KAZN: variants seen among roughly 807,000 people sequenced by gnomAD.
The protein encoded by KAZN is kazrin, periplakin interacting protein, also known as kazrin.
Under a neutral mutation model 87.4 loss-of-function variants are expected in KAZN, and 40 were observed. The ratio of observed to expected loss-of-function variants is 0.46; its 90% confidence interval spans 0.36 to 0.60. KAZN has a LOEUF of 0.60. Among genes scored for constraint, KAZN ranks in the 20% least tolerant of loss-of-function variants. The pLI is 0.00. For synonymous variants in KAZN, 466 were observed against 458.3 expected (o/e 1.02, Z -0.22); for missense variants, 898 against 1,073.9 (o/e 0.84, Z 2.29).
intron 1 of KAZN, among the ~76,000 whole-genome samples, chr1:14,797,460 A>G (rs1161553564): frequency 6.6e-6 from 1 of 152,212 alleles, no homozygotes; most frequent in East Asian, 1.9e-4. Flanking sequence ...ATGAGAGTCT[A>G]TGAAGAGGGA....
At chr1:14,076,392 C>G (rs561438429) in intron 1 of KAZN, among the ~76,000 whole-genome samples, 61 of 152,218 alleles carry the variant, frequency 4.0e-4, no homozygotes, top group African/African-American at 1.4e-3. Context: ...AGATTGCCAG[C>G]AAATGCCAGA....
At chr1:14,489,343 A>G (rs1557754419) in intron 2 of KAZN, among the ~76,000 whole-genome samples, 1 of 152,196 alleles carries the variant, frequency 6.6e-6, no homozygotes, top group Non-Finnish European at 1.5e-5. Flanking sequence ...ATCTATATAA[A>G]TCGGGATAAA....
intron 2 of KAZN, among the ~76,000 whole-genome samples, chr1:14,254,206 T>C (rs564714272): frequency 6.6e-6 from 1 of 152,332 alleles, no homozygotes; most frequent in South Asian, 2.1e-4. Flanking sequence ...TTCTTTTGGC[T>C]GGATAAGGGT....
At chr1:14,407,156 G>A (rs954623514) in intron 2 of KAZN, among the ~76,000 whole-genome samples, 10 of 152,130 alleles carry the variant, frequency 6.6e-5, no homozygotes, top group Admixed American at 3.3e-4. Context: ...TCATTCCGTC[G>A]ATGGACATGT....
intron 2 of KAZN, among the ~76,000 whole-genome samples, chr1:14,500,994 C>G (rs923699074): frequency 6.6e-6 from 1 of 151,814 alleles, no homozygotes; most frequent in Non-Finnish European, 1.5e-5. Context: ...CAAATGGATT[C>G]ACTGGTGAAT....
At chr1:14,484,862 A>C (rs1168358784) in intron 2 of KAZN, among the ~76,000 whole-genome samples, 4 of 152,230 alleles carry the variant, frequency 2.6e-5, no homozygotes, top group African/African-American at 4.8e-5. Context: ...AAGCCAAAAA[A>C]GTGAGTGGAA....
intron 1 of KAZN, among the ~76,000 whole-genome samples, chr1:14,917,605 A>G (rs1657948424): frequency 6.6e-6 from 1 of 152,174 alleles, no homozygotes; most frequent in South Asian, 2.1e-4. Flanking sequence ...ACAGCCCGAC[A>G]AGTAGTGACC....
At chr1:14,402,242 A>C (rs991761498) in intron 2 of KAZN, among the ~76,000 whole-genome samples, 4 of 151,796 alleles carry the variant, frequency 2.6e-5, no homozygotes, top group African/African-American at 9.7e-5. Flanking sequence ...ATAGGCCAAA[A>C]AAAAAAAAAT....
chr1:14,447,208 C>CATCATTATTATT (rs1438327123), intron 2 of KAZN, among the ~76,000 whole-genome samples: 190 of 131,178 alleles, frequency 1.4e-3, no homozygotes, highest in Non-Finnish European at 2.2e-3. Context: ...GTTTCCACCA[C>CATCATTATTATT]ATTATTATTA....
chr1:14,297,137 T>C (rs1263061033), intron 2 of KAZN, among the ~76,000 whole-genome samples: 1 of 151,996 alleles, frequency 6.6e-6, no homozygotes, highest in Non-Finnish European at 1.5e-5. Flanking sequence ...GCTTATTTTC[T>C]CCCCCACAAG....
intron 2 of KAZN, among the ~76,000 whole-genome samples, chr1:14,278,318 T>A (rs946848360): frequency 1.4e-5 from 2 of 141,402 alleles, no homozygotes; most frequent in Non-Finnish European, 3.0e-5. Context: ...TGAGATGGAG[T>A]CTTGCTCTGT....
intron 2 of KAZN, among the ~76,000 whole-genome samples, chr1:14,335,758 C>CAGAGAGAG (rs558013162): frequency 1.3e-5 from 2 of 151,432 alleles, no homozygotes; most frequent in African/African-American, 4.9e-5. Flanking sequence ...CACACACACA[C>CAGAGAGAG]ACAGAGAGAG....
At chr1:14,854,737 C>G (rs192550375) in intron 1 of KAZN, among the ~76,000 whole-genome samples, 1 of 152,094 alleles carries the variant, frequency 6.6e-6, no homozygotes, top group Non-Finnish European at 1.5e-5. Flanking sequence ...TGTCTGCCAC[C>G]GCACTGGGGA....
intron 1 of KAZN, among the ~76,000 whole-genome samples, chr1:14,849,254 G>A (rs183713065): frequency 6.6e-5 from 10 of 152,268 alleles, no homozygotes; most frequent in East Asian, 5.8e-4. Context: ...AACCAGAGTC[G>A]CAGGGTCACT....
intron 1 of KAZN, among the ~76,000 whole-genome samples, chr1:14,743,904 G>A (rs992172940): frequency 1.3e-5 from 2 of 152,060 alleles, no homozygotes; most frequent in Non-Finnish European, 2.9e-5. Flanking sequence ...GGAACAGAGG[G>A]GATCAATCTT....
chr1:14,733,475 C>T (rs1448534249), intron 1 of KAZN, among the ~76,000 whole-genome samples: 1 of 152,176 alleles, frequency 6.6e-6, no homozygotes, highest in Non-Finnish European at 1.5e-5. Flanking sequence ...AATTAATGAC[C>T]GTGGCAGTGC....
intron 2 of KAZN, among the ~76,000 whole-genome samples, chr1:14,404,752 A>G (rs1380279515): frequency 6.6e-6 from 1 of 152,246 alleles, no homozygotes; most frequent in African/African-American, 2.4e-5. Flanking sequence ...AATAGTAAGA[A>G]AAACAAACTA....
intron 1 of KAZN, among the ~76,000 whole-genome samples, chr1:14,068,370 G>A (rs1643101311): frequency 1.3e-5 from 2 of 152,072 alleles, no homozygotes; most frequent in Admixed American, 1.3e-4. Flanking sequence ...TTACCTTGTG[G>A]GCTCCAAGAC....
chr1:14,998,933 TGTCAGGCTCAAGGACATGCACTGCCA>T (rs1287329142), intron 2 of KAZN, among the ~76,000 whole-genome samples: 9 of 152,246 alleles, frequency 5.9e-5, no homozygotes, highest in African/African-American at 2.2e-4. Flanking sequence ...AGACACAGGC[TGTCAGGCTCAAGGACATGCACTGCCA>T]GCCACCTTGC....
Sources: gnomAD v4.1 joint callset for allele counts (sites outside exome capture counted in the v4.1 genomes callset) on GRCh38, gnomAD v4.1.1 for gene constraint, MANE v1.5 for transcripts, NCBI Gene and HGNC (gene_info 2026-07-23, HGNC 2026-07-21) for gene names.